The following SCFD1 variants were observed in gnomAD, a reference collection of about 807,000 sequenced individuals.
SCFD1 encodes the protein sec1 family domain containing 1.
A neutral mutation model predicts 103.2 loss-of-function variants in SCFD1; 37 were observed. That is an observed-to-expected ratio of 0.36 (90% CI 0.28 to 0.47). The LOEUF (loss-of-function observed/expected upper bound fraction) is 0.47, where lower values mean the gene tolerates loss of function less well. Among genes scored for constraint, SCFD1 ranks in the 20% least tolerant of loss-of-function variants. The pLI, the probability that SCFD1 is intolerant of heterozygous loss-of-function variation, is 1.00. For synonymous variants in SCFD1, 264 were observed against 245.0 expected (o/e 1.08, Z -0.73); for missense variants, 639 against 761.2 (o/e 0.84, Z 1.89).
intron 3 of SCFD1, among the ~76,000 whole-genome samples, chr14:30,633,187 G>T (rs1460598036): frequency 6.6e-6 from 1 of 152,126 alleles, no homozygotes; most frequent in Non-Finnish European, 1.5e-5. Context: ...GATATCAGTG[G>T]CAACAGTTAT....
chr14:30,642,863 T>C (rs758143043), intron 6 of SCFD1, among the ~76,000 whole-genome samples: 10 of 152,152 alleles, frequency 6.6e-5, no homozygotes, highest in Non-Finnish European at 1.0e-4. Flanking sequence ...TAACAGATAT[T>C]TATTCATTTA....
chr14:30,628,103 A>T (rs1883713787), intron 1 of SCFD1, 106 bp from the exon 2 acceptor site: 15 of 701,474 alleles, frequency 2.1e-5, no homozygotes. Flanking sequence ...AATCAGTTTT[A>T]CTAGAGTTGA....
intron 10 of SCFD1, among the ~76,000 whole-genome samples, chr14:30,654,140 C>T (rs79327828): frequency 0.023 from 3,573 of 152,224 alleles, 165 homozygotes; most frequent in African/African-American, 0.082. Flanking sequence ...TGATAAAACA[C>T]GGCTTCAGTC....
At chr14:30,670,183 A>G (rs1019024961) in intron 10 of SCFD1, 73 bp from the exon 11 acceptor site, 7 of 1,234,434 alleles carry the variant, frequency 5.7e-6, no homozygotes, top group Non-Finnish European at 7.9e-6. Flanking sequence ...TGGAAACATT[A>G]GAAAGGGCAA....
At chr14:30,625,619 ATATAGGTATAGGTATAT>A (rs1883328653) in intron 1 of SCFD1, among the ~76,000 whole-genome samples, 1 of 68,204 alleles carries the variant, frequency 1.5e-5, no homozygotes, top group Non-Finnish European at 3.1e-5. Context: ...AGGTATACCT[ATATAGGTATAGGTATAT>A]AGGCATATAG....
chr14:30,734,454 C>T, intron 23 of SCFD1: 1 of 303,242 alleles, frequency 3.3e-6, no homozygotes. Flanking sequence ...AGTACACATC[C>T]TACATTGGAA....
intron 16 of SCFD1, 97 bp from the exon 17 acceptor site, chr14:30,702,199 A>C: frequency 2.7e-6 from 2 of 752,154 alleles, no homozygotes; most frequent in East Asian, 5.3e-5. Context: ...ATTTAAACTC[A>C]TGCCTTTGGT....
chr14:30,635,035 G>T lies in SCFD1; in HGVS notation c.312+998G>T. ...AAGGAGAAAAGTAGATATTGGATAG[G>T]TAAGTAACAGTGTCTTCCACAAGTC... On this transcript the variant is annotated intron_variant, in intron 4 of 24. Transcript: ENST00000458591. The T allele has an allele frequency of 6.7e-6, 3 of 448,506 alleles. 1 individual carries two copies. The highest frequency in any genetic ancestry group is 4.7e-5 in the South Asian group (3 of 63,218). 27.8% of individuals were successfully genotyped at this position (448,506 alleles called of 1,614,324 possible).
chr14:30,669,351 A>G (rs1041569161), intron 10 of SCFD1, among the ~76,000 whole-genome samples: 5 of 152,040 alleles, frequency 3.3e-5, no homozygotes, highest in Non-Finnish European at 7.4e-5. Flanking sequence ...TTCTTCATCA[A>G]TCATTTACTT....
At chr14:30,721,975 C>A in intron 22 of SCFD1, 58 bp downstream of exon 22, 1 of 1,235,984 alleles carries the variant, frequency 8.1e-7, no homozygotes, top group Non-Finnish European at 1.2e-6. Flanking sequence ...GGTGACCAAT[C>A]TTGAAGACTG....
chr14:30,654,874 A>C (rs368012606), intron 10 of SCFD1, among the ~76,000 whole-genome samples: 1 of 152,188 alleles, frequency 6.6e-6, no homozygotes, highest in East Asian at 1.9e-4. Context: ...TAGACAGGGC[A>C]AGAAGAATCA....
At chr14:30,664,153 G>A (rs1254756950) in intron 10 of SCFD1, among the ~76,000 whole-genome samples, 3 of 152,050 alleles carry the variant, frequency 2.0e-5, no homozygotes, top group Non-Finnish European at 1.5e-5. Context: ...ATACACCCGG[G>A]CGCCCCTCTG....
In SCFD1 at chr14:30,703,057, T is replaced by TA. The variant is rs34027870; in HGVS notation, c.1490+696dup. Among the ~76,000 whole-genome samples the TA allele has an allele frequency of 1.1e-3, 148 of 140,152 alleles. 1 individual carries two copies. Among genetic ancestry groups the TA allele is most frequent in the Middle Eastern group, 3.6e-3 (1 of 276 alleles). 91.9% of individuals were successfully genotyped at this position (140,152 alleles called of 152,430 possible). On this transcript the variant is annotated intron_variant, in intron 17 of 24. Coordinates refer to ENST00000458591, the MANE Select transcript of SCFD1 (RefSeq NM_016106.4). ...GAAATGCTCACGTTATATTGCAAAG[T>TA]AAAAAAAAAAAAAATTATAACACTC...
intron 14 of SCFD1, among the ~76,000 whole-genome samples, chr14:30,681,731 A>G (rs1019323256): frequency 6.6e-6 from 1 of 152,138 alleles, no homozygotes; most frequent in African/African-American, 2.4e-5. Context: ...TTCTAAGCAA[A>G]CCATTTCTTA....
intron 13 of SCFD1, among the ~76,000 whole-genome samples, chr14:30,674,553 C>T (rs1156399622): frequency 1.3e-5 from 2 of 151,960 alleles, no homozygotes; most frequent in African/African-American, 2.4e-5. Context: ...GAGGCTAAGG[C>T]AGGAGAATCG....
intron 14 of SCFD1, among the ~76,000 whole-genome samples, chr14:30,690,706 T>A (rs1057290431): frequency 6.7e-6 from 1 of 149,416 alleles, no homozygotes; most frequent in African/African-American, 2.5e-5. Context: ...CTGCGCCCAC[T>A]GTCTGGCGCT....
At chr14:30,700,545 G>A (rs548539568) in intron 16 of SCFD1, among the ~76,000 whole-genome samples, 1 of 152,192 alleles carries the variant, frequency 6.6e-6, no homozygotes, top group South Asian at 2.1e-4. Context: ...GTGGTGGCGT[G>A]CGCCTGTAAT....
At chr14:30,632,046 GAAAAAAAAAA>G (rs61645782) in intron 3 of SCFD1, among the ~76,000 whole-genome samples, 8 of 70,270 alleles carry the variant, frequency 1.1e-4, no homozygotes, top group South Asian at 5.5e-4. Flanking sequence ...AGATTCTGTT[GAAAAAAAAAA>G]AAAAAAAAAA....
chr14:30,691,305 T>G (rs1890280660), intron 14 of SCFD1, among the ~76,000 whole-genome samples: 1 of 152,234 alleles, frequency 6.6e-6, no homozygotes, highest in Non-Finnish European at 1.5e-5. Flanking sequence ...TTTTGAACAC[T>G]GTTCTCTGGT....
Sources: gnomAD v4.1 joint callset for allele counts (sites outside exome capture counted in the v4.1 genomes callset) on GRCh38, gnomAD v4.1.1 for gene constraint, MANE v1.5 for transcripts, NCBI Gene and HGNC (gene_info 2026-07-23, HGNC 2026-07-21) for gene names.